Variants in CDK14 observed in about 807,000 individuals in gnomAD.
CDK14 encodes the protein cyclin dependent kinase 14, also known as cyclin-dependent kinase 14.
CDK14 carries 34 observed loss-of-function variants against 60.7 expected under a neutral mutation model. The ratio of observed to expected loss-of-function variants is 0.56; its 90% CI spans 0.43 to 0.75. The LOEUF (loss-of-function observed/expected upper bound fraction) is 0.75. Ranked by LOEUF, CDK14 falls within the 30% of genes least tolerant of loss-of-function variation. The pLI is 0.00. For synonymous variants in CDK14, 197 were observed against 203.7 expected (o/e 0.97, Z 0.28); for missense variants, 482 against 564.1 (o/e 0.85, Z 1.47).
chr7:90,916,977 T>C (rs1793102409), intron 7 of CDK14, among the ~76,000 whole-genome samples: 1 of 152,210 alleles, frequency 6.6e-6, no homozygotes, highest in African/African-American at 2.4e-5. Flanking sequence ...CTGAAATTAG[T>C]GAAGGTGGTA....
intron 2 of CDK14, chr7:90,710,369 A>G (rs1802016563): frequency 1.0e-6 from 1 of 985,202 alleles, no homozygotes; most frequent in Non-Finnish European, 1.2e-6. Flanking sequence ...CTCTGAGTCA[A>G]GCAAGTGAAG....
At chr7:90,599,956 G>T (rs1799280907) in intron 1 of CDK14, among the ~76,000 whole-genome samples, 1 of 152,262 alleles carries the variant, frequency 6.6e-6, no homozygotes, top group East Asian at 1.9e-4. Flanking sequence ...TGTTTAATTT[G>T]TTTACACATT....
At chr7:90,924,446 G>T (rs1203557810) in intron 8 of CDK14, among the ~76,000 whole-genome samples, 2 of 152,146 alleles carry the variant, frequency 1.3e-5, no homozygotes, top group Non-Finnish European at 2.9e-5. Context: ...TTAGAGTTTG[G>T]CAATTGCCTA....
chr7:90,982,057 G>A (rs62468488), intron 9 of CDK14, among the ~76,000 whole-genome samples: 6,177 of 152,248 alleles, frequency 0.041, 153 homozygotes, highest in South Asian at 0.071. Context: ...TTCCTGTTGG[G>A]CTTGGTGCAA....
intron 2 of CDK14, among the ~76,000 whole-genome samples, chr7:90,642,408 T>G (rs1800360014): frequency 6.6e-6 from 1 of 152,220 alleles, no homozygotes; most frequent in South Asian, 2.1e-4. Context: ...TATAAGTACT[T>G]TCTCATATTT....
At chr7:90,856,534 C>G (rs1348071849) in intron 5 of CDK14, among the ~76,000 whole-genome samples, 1 of 152,168 alleles carries the variant, frequency 6.6e-6, no homozygotes, top group South Asian at 2.1e-4. Flanking sequence ...ACCATGAATG[C>G]ACTAACCCGG....
At chr7:91,103,319 T>C (rs1799195816) in intron 12 of CDK14, among the ~76,000 whole-genome samples, 1 of 152,146 alleles carries the variant, frequency 6.6e-6, no homozygotes, top group Non-Finnish European at 1.5e-5. Flanking sequence ...GTGGACCTCC[T>C]CTTTTTCTTT....
intron 14 of CDK14, among the ~76,000 whole-genome samples, chr7:91,162,416 C>T (rs1363250451): frequency 3.3e-5 from 5 of 152,158 alleles, no homozygotes; most frequent in African/African-American, 1.2e-4. Context: ...CACTGGGAAG[C>T]TCACGCCTGG....
intron 4 of CDK14, among the ~76,000 whole-genome samples, chr7:90,759,074 G>A (rs1804207048): frequency 7.5e-6 from 1 of 133,732 alleles, no homozygotes; most frequent in Non-Finnish European, 1.7e-5. Context: ...AAAAAAAATC[G>A]TAAAACAAAA....
intron 11 of CDK14, among the ~76,000 whole-genome samples, chr7:91,061,142 C>A (rs1235529939): frequency 6.6e-6 from 1 of 152,118 alleles, no homozygotes; most frequent in Non-Finnish European, 1.5e-5. Context: ...TGCCTCATTT[C>A]ATTCATTTGA....
intron 12 of CDK14, among the ~76,000 whole-genome samples, chr7:91,105,011 GA>G (rs1304015598): frequency 6.6e-6 from 1 of 151,994 alleles, no homozygotes; most frequent in African/African-American, 2.4e-5. Context: ...TGCCTATAGG[GA>G]AAAAAATATC....
intron 2 of CDK14, chr7:90,709,845 C>T (rs978010553): frequency 7.2e-7 from 1 of 1,392,238 alleles, no homozygotes; most frequent in Non-Finnish European, 9.4e-7. Context: ...CTTGCTAGTG[C>T]AGAAAGATGT....
intron 2 of CDK14, among the ~76,000 whole-genome samples, chr7:90,704,503 G>A (rs183912223): frequency 6.6e-6 from 1 of 152,222 alleles, no homozygotes; most frequent in East Asian, 1.9e-4. Flanking sequence ...TGGATGTGTA[G>A]GTTTTGAATG....
intron 1 of CDK14, among the ~76,000 whole-genome samples, chr7:90,601,067 A>T (rs1584733362): frequency 6.6e-6 from 1 of 152,256 alleles, no homozygotes; most frequent in African/African-American, 2.4e-5. Context: ...CAGGAGGAGC[A>T]TCACTTTCAT....
At chr7:91,006,151 G>A (rs1029435965) in intron 10 of CDK14, among the ~76,000 whole-genome samples, 9 of 152,342 alleles carry the variant, frequency 5.9e-5, no homozygotes, top group African/African-American at 2.2e-4. Flanking sequence ...GCCTGCTGGC[G>A]ATGTTCAGAA....
At chr7:90,901,112 T>C (rs1792491092) in intron 7 of CDK14, among the ~76,000 whole-genome samples, 1 of 152,156 alleles carries the variant, frequency 6.6e-6, no homozygotes, top group South Asian at 2.1e-4. Context: ...TCTCACCAGC[T>C]CTTATTCAAG....
intron 11 of CDK14, among the ~76,000 whole-genome samples, chr7:91,049,604 G>A (rs979308765): frequency 1.3e-5 from 2 of 152,084 alleles, no homozygotes; most frequent in African/African-American, 4.8e-5. Context: ...AACCAGTTTG[G>A]GTTTTCAAAT....
chr7:90,806,066 C>T (rs1788816181), intron 5 of CDK14, among the ~76,000 whole-genome samples: 1 of 152,054 alleles, frequency 6.6e-6, no homozygotes, highest in African/African-American at 2.4e-5. Context: ...ATAAATGGTG[C>T]TATGACAATT....
At chr7:91,145,916 T>G (rs1007001065) in intron 14 of CDK14, among the ~76,000 whole-genome samples, 1 of 108,940 alleles carries the variant, frequency 9.2e-6, no homozygotes, top group African/African-American at 3.3e-5. Context: ...TAACCTGGCT[T>G]GCTTTATTTA....
Sources: allele counts gnomAD v4.1 joint callset (sites outside exome capture counted in the v4.1 genomes callset), GRCh38; gene constraint gnomAD v4.1.1; transcripts MANE v1.5; gene names NCBI Gene and HGNC (gene_info 2026-07-23, HGNC 2026-07-21).